Variants in NSRP1 observed in about 807,000 individuals in gnomAD.
The protein encoded by NSRP1 is nuclear speckle splicing regulatory protein 1.
In NSRP1, 24 loss-of-function variants were observed where a neutral mutation model predicts 54.7. That is an observed-to-expected ratio of 0.44 (90% CI 0.32 to 0.62). The LOEUF (loss-of-function observed/expected upper bound fraction) is 0.62. Ranked by LOEUF, NSRP1 falls within the 20% of genes least tolerant of loss-of-function variation. The pLI is 0.06. For missense variants in NSRP1, 596 were observed against 651.2 expected (o/e 0.92, Z 0.92); for synonymous variants, 210 against 213.8 (o/e 0.98, Z 0.15).
chr17:30,138,915 T>TG (rs2071775294), intron 2 of NSRP1, among the ~76,000 whole-genome samples: 1 of 128,208 alleles, frequency 7.8e-6, no homozygotes, highest in African/African-American at 2.9e-5. Context: ...TAGCGTTTTT[T>TG]TTTTTTTTTT....
chr17:30,153,849 T>G (rs1050164692), intron 2 of NSRP1, among the ~76,000 whole-genome samples: 1 of 152,168 alleles, frequency 6.6e-6, no homozygotes, highest in African/African-American at 2.4e-5. Context: ...TAAAAATTAG[T>G]TCCTTAGTCA....
At position 30,181,114 on chromosome 17, in the gene NSRP1, A is replaced by C. The variant is rs984187944; in HGVS notation, c.617+98A>C. 9 of 786,146 alleles carry C rather than the reference A, an allele frequency of 1.1e-5. No individual in the cohort carries two copies. The African/African-American group carries it at 1.4e-4, about 12-fold the overall frequency. 48.7% of individuals were successfully genotyped at this position (786,146 alleles called of 1,614,324 possible). A position where few individuals can be genotyped will look rare whatever the true frequency, so the allele number is the denominator to read the frequency against. On this transcript the variant is annotated intron_variant, in intron 6 of 6. Coordinates refer to ENST00000247026, the MANE Select transcript of NSRP1 (RefSeq NM_032141.4). ...CCTCTGAAAGATGGAAGATTACAAC[A>C]TTGCATATTGTGTTGTCAGCCAGCC...
intron 2 of NSRP1, among the ~76,000 whole-genome samples, chr17:30,157,278 C>A (rs964129130): frequency 6.6e-6 from 1 of 152,088 alleles, no homozygotes; most frequent in Non-Finnish European, 1.5e-5. Context: ...GTTGGCTACT[C>A]ATATGTATTT....
At chr17:30,138,465 A>G (rs1390665301) in intron 2 of NSRP1, among the ~76,000 whole-genome samples, 3 of 152,178 alleles carry the variant, frequency 2.0e-5, no homozygotes, top group African/African-American at 7.2e-5. Flanking sequence ...ACGTTCTCCC[A>G]TATACTTTCA....
At chr17:30,121,555 TGC>T (rs2071597000) in intron 2 of NSRP1, among the ~76,000 whole-genome samples, 2 of 147,562 alleles carry the variant, frequency 1.4e-5, no homozygotes, top group East Asian at 2.0e-4. Context: ...ACTGTGTGTG[TGC>T]GTGTGTGTGT....
At position 30,179,166 on chromosome 17, in the gene NSRP1, TACAG is replaced by T. The variant is rs779238513; in HGVS notation, c.379_382del (p.Gln127GlufsTer17). 8 of 1,607,608 alleles carry T rather than the reference TACAG, an allele frequency of 5.0e-6. No homozygotes were observed. Among genetic ancestry groups the T allele is most frequent in the Non-Finnish European group, 6.8e-6 (8 of 1,176,536 alleles). The stretch of plus-strand genomic sequence containing the variant: ...CAGGAAAAAAGAATGGAAAAGAAAA[TACAG>T]AGAGAACGAGAAATGGAAAAGGGGG... On this transcript the variant is annotated frameshift_variant, in exon 5 of 7. Coordinates refer to ENST00000247026, the MANE Select transcript of NSRP1 (RefSeq NM_032141.4). LOFTEE classifies it high-confidence loss of function.
chr17:30,164,439 G>A (rs9914521), intron 2 of NSRP1, among the ~76,000 whole-genome samples: 12,799 of 151,820 alleles, frequency 0.084, 1,705 homozygotes, highest in African/African-American at 0.29. Context: ...TTTTTCCTTC[G>A]AGATAAAGTG....
intron 2 of NSRP1, among the ~76,000 whole-genome samples, chr17:30,135,695 C>T (rs1231775671): frequency 4.7e-5 from 7 of 150,514 alleles, no homozygotes; most frequent in East Asian, 4.1e-4. Flanking sequence ...AGGATGGTCT[C>T]GATCTCCTGA....
chr17:30,174,496 T>C (rs1057149445), intron 3 of NSRP1, among the ~76,000 whole-genome samples: 3 of 152,226 alleles, frequency 2.0e-5, no homozygotes, highest in African/African-American at 7.2e-5. Context: ...TACTTTAAAC[T>C]ATTTTTTTCT....
At chr17:30,119,095 CTTTTTTTTTTT>C (rs1567787289) in intron 2 of NSRP1, among the ~76,000 whole-genome samples, 1 of 142,630 alleles carries the variant, frequency 7.0e-6, no homozygotes, top group East Asian at 2.0e-4. Context: ...ATTTTTTTTT[CTTTTTTTTTTT>C]GAGACAGAGT....
At chr17:30,176,606 T>TCCC (rs1555583104) in intron 3 of NSRP1, among the ~76,000 whole-genome samples, 1 of 81,500 alleles carries the variant, frequency 1.2e-5, no homozygotes, top group Non-Finnish European at 2.6e-5. Flanking sequence ...CAAGACTTCG[T>TCCC]CCCCCCCCCC....
intron 2 of NSRP1, among the ~76,000 whole-genome samples, chr17:30,134,539 A>G (rs2071731586): frequency 6.6e-6 from 1 of 152,246 alleles, no homozygotes. Flanking sequence ...TAATCTGTGC[A>G]GGTTTCAGCT....
chr17:30,163,189 T>TTGTGTGTGTGTGTGTG (rs35702441), intron 2 of NSRP1: 12 of 121,558 alleles, frequency 9.9e-5, no homozygotes, highest in African/African-American at 1.4e-4. Context: ...CCGGCTAATT[T>TTGTGTGTGTGTGTGTG]TGTGTGTGTG....
intron 2 of NSRP1, among the ~76,000 whole-genome samples, chr17:30,134,253 G>A (rs935076752): frequency 2.4e-4 from 36 of 152,274 alleles, no homozygotes; most frequent in African/African-American, 7.5e-4. Context: ...TCCCCAAACA[G>A]ATACGTTAAT....
chr17:30,185,797 A>C lies in NSRP1; in HGVS notation c.*123A>C. On this transcript the variant is annotated 3_prime_UTR_variant, in exon 7 of 7. Transcript: ENST00000247026. Reference sequence around the variant, plus strand: ...GAGGGCATTTTTAAATTTATTTTCAAAATTTTAAGTTAAAAGTCAGTCTTA... The same window carrying C: ...GAGGGCATTTTTAAATTTATTTTCACAATTTTAAGTTAAAAGTCAGTCTTA... 8.7e-7 allele frequency: 1 copy of C among 1,154,202 alleles called. No individual in the cohort carries two copies. Among genetic ancestry groups the C allele is most frequent in the Non-Finnish European group, 1.2e-6 (1 of 832,080 alleles). 71.5% of individuals were successfully genotyped at this position (1,154,202 alleles called of 1,614,324 possible).
At chr17:30,133,163 G>A (rs2071717669) in intron 2 of NSRP1, among the ~76,000 whole-genome samples, 1 of 144,740 alleles carries the variant, frequency 6.9e-6, no homozygotes, top group African/African-American at 2.6e-5. Context: ...ATGTTGCCCA[G>A]TATGGTCTCA....
intron 2 of NSRP1, among the ~76,000 whole-genome samples, chr17:30,164,734 G>A (rs919949841): frequency 4.1e-4 from 62 of 152,112 alleles, no homozygotes; most frequent in African/African-American, 1.4e-3. Flanking sequence ...GGAGGTCGAG[G>A]CTGCAGTGTG....
intron 2 of NSRP1, among the ~76,000 whole-genome samples, chr17:30,165,029 G>C (rs1206961658): frequency 6.6e-6 from 1 of 151,994 alleles, no homozygotes; most frequent in Non-Finnish European, 1.5e-5. Context: ...ATGTTTTTGC[G>C]ATATTTATAC....
intron 2 of NSRP1, among the ~76,000 whole-genome samples, chr17:30,149,771 G>C (rs1428075446): frequency 6.7e-6 from 1 of 150,288 alleles, no homozygotes; most frequent in Non-Finnish European, 1.5e-5. Context: ...GGAGGTCAAG[G>C]CTGCAGTGAG....
Sources: gnomAD v4.1 joint callset for allele counts (sites outside exome capture counted in the v4.1 genomes callset) on GRCh38, gnomAD v4.1.1 for gene constraint, MANE v1.5 for transcripts, NCBI Gene and HGNC (gene_info 2026-07-23, HGNC 2026-07-21) for gene names.